PYM1: variants seen among roughly 807,000 people sequenced by gnomAD.
PYM1 encodes the protein PYM1 exon junction complex associated factor, also known as partner of Y14 and mago.
PYM1 carries 7 observed loss-of-function variants against 20.7 expected under a neutral mutation model. The ratio of observed to expected loss-of-function variants is 0.34; its 90% confidence interval spans 0.19 to 0.64. The LOEUF (loss-of-function observed/expected upper bound fraction) is 0.64. PYM1 is among the 30% of genes least tolerant of loss of function. The pLI, the probability that PYM1 is intolerant of heterozygous loss-of-function variation, is 0.74. For missense variants in PYM1, 194 were observed against 250.0 expected, an observed-to-expected ratio of 0.78 and a Z score of 1.51; for synonymous variants, 100 against 99.2, an observed-to-expected ratio of 1.01 and a Z score of -0.05.
chr12:55,905,251 C>T lies in PYM1; in HGVS notation c.38-1771G>A, dbSNP rs575492157. ...GTCTCAATCTCCTGACCTCATTATCCGCCTGCCTCAGCCTCCCAAAGTGCT... is the reference window on the plus strand; with the variant it reads ...GTCTCAATCTCCTGACCTCATTATCTGCCTGCCTCAGCCTCCCAAAGTGCT... On this transcript the variant is annotated intron_variant, in intron 1 of 2. Coordinates refer to ENST00000408946, the MANE Select transcript of PYM1 (RefSeq NM_032345.3). 1.3e-4 allele frequency among the ~76,000 whole-genome samples: 19 copies of T among 151,268 alleles called. No individual in the cohort carries two copies. In the East Asian group the frequency reaches 2.4e-3, roughly 19 times the overall value.
At chr12:55,918,964 G>T (rs947695429) in intron 1 of PYM1, among the ~76,000 whole-genome samples, 1 of 152,080 alleles carries the variant, frequency 6.6e-6, no homozygotes, top group African/African-American at 2.4e-5. Context: ...ATTAAACAGG[G>T]GTTATCCCTA....
chr12:55,911,155 C>A (rs1882915948), intron 1 of PYM1, among the ~76,000 whole-genome samples: 1 of 152,302 alleles, frequency 6.6e-6, no homozygotes, highest in South Asian at 2.1e-4. Flanking sequence ...GTAGCCCAGG[C>A]TGGAGTGCAG....
intron 1 of PYM1, among the ~76,000 whole-genome samples, chr12:55,909,383 A>G (rs553774345): frequency 6.6e-6 from 1 of 151,124 alleles, no homozygotes; most frequent in South Asian, 2.1e-4. Flanking sequence ...TGAGCCAGAG[A>G]CAAGGGCTGG....
At chr12:55,923,936 C>T (rs1353963569) in intron 1 of PYM1, among the ~76,000 whole-genome samples, 1 of 151,902 alleles carries the variant, frequency 6.6e-6, no homozygotes, top group Non-Finnish European at 1.5e-5. Context: ...ATTAGCCAAG[C>T]GTGGTGACAT....
chr12:55,904,383 G>A (rs1882751445), intron 1 of PYM1, among the ~76,000 whole-genome samples: 1 of 151,060 alleles, frequency 6.6e-6, no homozygotes, highest in South Asian at 2.1e-4. Context: ...CACGAGGTCA[G>A]GAGTTCGAGA....
At chr12:55,914,510 A>G in intron 1 of PYM1, 7 of 618,510 alleles carry the variant, frequency 1.1e-5, no homozygotes, top group South Asian at 9.6e-5. Flanking sequence ...TTAATTCTCA[A>G]TCTATTTCCT....
At position 55,902,334 on chromosome 12, in the gene PYM1, C is replaced by T; in HGVS notation, c.153G>A (p.Lys51=). 6.2e-7 allele frequency: 1 copy of T among 1,610,090 alleles called. No homozygotes were observed. The highest frequency in any genetic ancestry group is 1.7e-4 in the Middle Eastern group (1 of 6,032). ...EVPVYENKYV[K]FFKSKPELPP... ...GCAACTCTGGTTTACTCTTGAAAAA[C>T]TTCACATACTTGTTTTCATATCTGC... The change falls in exon 3 of 3, where the codon AAG becomes AAA. Residue 51 remains lysine, a synonymous_variant. Transcript: ENST00000408946.
At chr12:55,927,374 G>T (rs1429296389) in intron 1 of PYM1, 1 of 719,974 alleles carries the variant, frequency 1.4e-6, no homozygotes, top group African/African-American at 1.7e-5. Flanking sequence ...GAGAAGTTCC[G>T]AGGCACAGTC....
intron 1 of PYM1, among the ~76,000 whole-genome samples, chr12:55,922,445 CAAAAAAAAA>C (rs56355933): frequency 1.2e-5 from 1 of 86,246 alleles, no homozygotes; most frequent in East Asian, 3.3e-4. Flanking sequence ...CCATCTTTAC[CAAAAAAAAA>C]AAAAAAAAAA....
intron 1 of PYM1, among the ~76,000 whole-genome samples, chr12:55,920,549 A>G (rs1883080451): frequency 6.6e-6 from 1 of 151,844 alleles, no homozygotes; most frequent in African/African-American, 2.4e-5. Context: ...GAGGCAGGAG[A>G]ATCACTTGAG....
At chr12:55,916,302 T>A (rs1163436860) in intron 1 of PYM1, among the ~76,000 whole-genome samples, 1 of 151,344 alleles carries the variant, frequency 6.6e-6, no homozygotes, top group Non-Finnish European at 1.5e-5. Context: ...ACCAGTGCAC[T>A]CTAGCCTGGG....
At chr12:55,913,792 G>C (rs1375365328) in intron 1 of PYM1, 1 of 152,328 alleles carries the variant, frequency 6.6e-6, no homozygotes, top group Non-Finnish European at 1.5e-5. Context: ...CTCAATATAC[G>C]GTAGGGCACA....
intron 1 of PYM1, among the ~76,000 whole-genome samples, chr12:55,921,152 A>T (rs1448817102): frequency 2.0e-5 from 3 of 152,220 alleles, no homozygotes; most frequent in Non-Finnish European, 4.4e-5. Flanking sequence ...AGGCACTTGG[A>T]ATGGCCCAAG....
chr12:55,917,356 G>A (rs1883025206), intron 1 of PYM1, among the ~76,000 whole-genome samples: 1 of 150,388 alleles, frequency 6.6e-6, no homozygotes, highest in African/African-American at 2.4e-5. Flanking sequence ...GGAGGCAGAG[G>A]TTGCAGGGAG....
chr12:55,911,531 C>T (rs1372326461), intron 1 of PYM1, among the ~76,000 whole-genome samples: 1 of 151,952 alleles, frequency 6.6e-6, no homozygotes, highest in Non-Finnish European at 1.5e-5. Context: ...CTTGTTATGT[C>T]AGAGTCAAAT....
chr12:55,920,809 A>G (rs1883085850), intron 1 of PYM1, among the ~76,000 whole-genome samples: 1 of 152,222 alleles, frequency 6.6e-6, no homozygotes, highest in African/African-American at 2.4e-5. Flanking sequence ...ACACTCTGCC[A>G]GTATTTTAAA....
At chr12:55,905,121 C>G (rs1882771546) in intron 1 of PYM1, among the ~76,000 whole-genome samples, 4 of 151,208 alleles carry the variant, frequency 2.6e-5, no homozygotes, top group Non-Finnish European at 4.4e-5. Flanking sequence ...CCTGCCTCAG[C>G]CTCCCGAGTA....
At chr12:55,904,565 C>T (rs1453652986) in intron 1 of PYM1, among the ~76,000 whole-genome samples, 1 of 143,658 alleles carries the variant, frequency 7.0e-6, no homozygotes, top group Non-Finnish European at 1.5e-5. Context: ...CACTGCACTC[C>T]AGCCTGGGCA....
chr12:55,913,555 T>C (rs1440231242), intron 1 of PYM1, among the ~76,000 whole-genome samples: 3 of 152,184 alleles, frequency 2.0e-5, no homozygotes, highest in Non-Finnish European at 4.4e-5. Flanking sequence ...CTGAAAAATG[T>C]GTACCATAAA....
Sources: gnomAD v4.1 joint callset for allele counts (sites outside exome capture counted in the v4.1 genomes callset) on GRCh38, gnomAD v4.1.1 for gene constraint, MANE v1.5 for transcripts, NCBI Gene and HGNC (gene_info 2026-07-23, HGNC 2026-07-21) for gene names.